BTG4: variants seen among roughly 807,000 people sequenced by gnomAD.
BTG4 encodes the protein BTG anti-proliferation factor 4.
Under a neutral mutation model 19.3 loss-of-function variants are expected in BTG4, and 10 were observed. The observed-to-expected ratio is 0.52, with a 90% CI of 0.32 to 0.88. BTG4 has a LOEUF of 0.88. Among genes scored for constraint, BTG4 ranks in the 40% least tolerant of loss-of-function variants. The pLI is 0.04. For missense variants in BTG4, 238 were observed against 281.9 expected, an observed-to-expected ratio of 0.84 and a Z score of 1.11; for synonymous variants, 91 against 95.7, an observed-to-expected ratio of 0.95 and a Z score of 0.29.
the BTG4 span, among the ~76,000 whole-genome samples, chr11:111,431,451 A>C: frequency 6.6e-6 from 1 of 152,234 alleles, no homozygotes; most frequent in African/African-American, 2.4e-5. Flanking sequence ...CATAGCCAGT[A>C]AATGATAGAA....
At chr11:111,436,891 G>A in the BTG4 span, among the ~76,000 whole-genome samples, 1 of 152,106 alleles carries the variant, frequency 6.6e-6, no homozygotes, top group African/African-American at 2.4e-5. Flanking sequence ...GTATTTCTCC[G>A]GCAGATGGCA....
the BTG4 span, among the ~76,000 whole-genome samples, chr11:111,427,575 G>A: frequency 1.3e-5 from 2 of 152,194 alleles, no homozygotes; most frequent in African/African-American, 4.8e-5. Flanking sequence ...CTGGCAGAAA[G>A]CCCATCAGAT....
the BTG4 span, among the ~76,000 whole-genome samples, chr11:111,390,840 C>T: frequency 6.6e-6 from 1 of 152,224 alleles, no homozygotes; most frequent in South Asian, 2.1e-4. Context: ...AACCATTTTG[C>T]ACCAGTTGAG....
upstream of BTG4, chr11:111,512,390 C>A (rs10789838): frequency 1.3e-5 from 2 of 149,248 alleles, no homozygotes; most frequent in African/African-American, 2.5e-5. Context: ...CCTCCTCCCC[C>A]CCCCCATCCC....
chr11:111,511,049 T>G (rs1380312170), intron 1 of BTG4, among the ~76,000 whole-genome samples: 2 of 152,244 alleles, frequency 1.3e-5, no homozygotes, highest in African/African-American at 2.4e-5. Context: ...ACTATTTTGC[T>G]CCTAGTTTCA....
chr11:111,420,124 A>T, the BTG4 span, among the ~76,000 whole-genome samples: 1 of 152,224 alleles, frequency 6.6e-6, no homozygotes, highest in Admixed American at 6.5e-5. Context: ...TTCTCTCGGC[A>T]AAGGAAAGTT....
chr11:111,392,549 C>T, the BTG4 span, among the ~76,000 whole-genome samples: 5 of 152,180 alleles, frequency 3.3e-5, no homozygotes, highest in African/African-American at 1.2e-4. Flanking sequence ...AGGTCCAGGA[C>T]AGGGCCAGAG....
At chr11:111,459,718 TG>T in the BTG4 span, 1 of 152,658 alleles carries the variant, frequency 6.6e-6, no homozygotes, top group Non-Finnish European at 1.5e-5. Flanking sequence ...GTGCCTATCC[TG>T]GGCATGGAGC....
the BTG4 span, among the ~76,000 whole-genome samples, chr11:111,387,681 C>G: frequency 6.4e-4 from 98 of 152,296 alleles, no homozygotes; most frequent in Admixed American, 1.8e-3. Flanking sequence ...GATGAGAAAA[C>G]CAAGGACCAG....
chr11:111,387,650 G>A, the BTG4 span, among the ~76,000 whole-genome samples: 1 of 152,198 alleles, frequency 6.6e-6, no homozygotes, highest in Non-Finnish European at 1.5e-5. Flanking sequence ...CAGCTGGCAA[G>A]TGTCCATGCC....
chr11:111,383,884 A>G, the BTG4 span, among the ~76,000 whole-genome samples: 1 of 152,204 alleles, frequency 6.6e-6, no homozygotes, highest in Non-Finnish European at 1.5e-5. Flanking sequence ...TCTTCAGATC[A>G]TATTCCATGT....
At chr11:111,512,848 G>C, upstream of BTG4, 1 of 386,578 alleles carries the variant, frequency 2.6e-6, no homozygotes, top group South Asian at 1.9e-5. Flanking sequence ...AGCCATGGTA[G>C]GGCGTCCCCC....
the BTG4 span, among the ~76,000 whole-genome samples, chr11:111,394,964 G>A: frequency 6.6e-6 from 1 of 152,204 alleles, no homozygotes; most frequent in Non-Finnish European, 1.5e-5. Flanking sequence ...CTCCCCCTCA[G>A]AAGCCATTTT....
the BTG4 span, chr11:111,384,595 C>T: frequency 6.6e-6 from 1 of 151,966 alleles, no homozygotes; most frequent in Admixed American, 6.6e-5. Flanking sequence ...TTAAATCTAG[C>T]CAAATTGTCA....
At chr11:111,420,834 T>C in the BTG4 span, among the ~76,000 whole-genome samples, 1 of 152,238 alleles carries the variant, frequency 6.6e-6, no homozygotes, top group Non-Finnish European at 1.5e-5. Context: ...GAAGCTTACA[T>C]TCTAGCAGAG....
intron 1 of BTG4, among the ~76,000 whole-genome samples, chr11:111,505,888 A>C (rs949686527): frequency 5.9e-5 from 9 of 152,054 alleles, no homozygotes; most frequent in African/African-American, 2.2e-4. Flanking sequence ...CAACATCACT[A>C]ATCATCAGAG....
At chr11:111,431,618 T>C in the BTG4 span, among the ~76,000 whole-genome samples, 4 of 152,178 alleles carry the variant, frequency 2.6e-5, no homozygotes, top group Non-Finnish European at 5.9e-5. Flanking sequence ...TCACATAATA[T>C]ACGGCCCATC....
chr11:111,507,817 A>G (rs1210419962), intron 1 of BTG4: 3 of 152,140 alleles, frequency 2.0e-5, no homozygotes, highest in Non-Finnish European at 4.4e-5. Flanking sequence ...AGATTAATAC[A>G]TTACCGTCAT....
At chr11:111,420,661 C>G in the BTG4 span, among the ~76,000 whole-genome samples, 6 of 152,230 alleles carry the variant, frequency 3.9e-5, no homozygotes, top group Admixed American at 6.5e-5. Context: ...GTTTGAGACA[C>G]AGTTTGTCTA....
Sources: gnomAD v4.1 joint callset for allele counts (sites outside exome capture counted in the v4.1 genomes callset) on GRCh38, gnomAD v4.1.1 for gene constraint, MANE v1.5 for transcripts, NCBI Gene and HGNC (gene_info 2026-07-23, HGNC 2026-07-21) for gene names.